GNG12: variants seen among roughly 807,000 people sequenced by gnomAD.
GNG12 encodes the protein guanine nucleotide-binding protein G(I)/G(S)/G(O) subunit gamma-12.
For synonymous variants in GNG12, 28 were observed against 29.7 expected (o/e 0.94, Z 0.19); for missense variants, 69 against 83.8 (o/e 0.82, Z 0.69).
intron 1 of GNG12, among the ~76,000 whole-genome samples, chr1:67,801,348 G>A (rs1646864491): frequency 6.6e-6 from 1 of 152,200 alleles, no homozygotes; most frequent in African/African-American, 2.4e-5. Context: ...ATATATGAAT[G>A]AGGCTCAGAG....
intron 1 of GNG12, among the ~76,000 whole-genome samples, chr1:67,780,653 A>G (rs1485749912): frequency 6.6e-6 from 1 of 152,188 alleles, no homozygotes. Context: ...AGAATCTTCA[A>G]ATACACACTT....
chr1:67,742,228 A>G (rs941258036), intron 2 of GNG12, among the ~76,000 whole-genome samples: 2 of 152,188 alleles, frequency 1.3e-5, no homozygotes, highest in Non-Finnish European at 2.9e-5. Flanking sequence ...ATCCACCACA[A>G]TGTGCATTAA....
chr1:67,737,860 C>T (rs1646461257), intron 2 of GNG12, among the ~76,000 whole-genome samples: 1 of 152,206 alleles, frequency 6.6e-6, no homozygotes, highest in Non-Finnish European at 1.5e-5. Flanking sequence ...AAACTGTCCA[C>T]TCCCCTTACC....
chr1:67,804,008 C>T (rs1008077342), intron 1 of GNG12, among the ~76,000 whole-genome samples: 3 of 152,092 alleles, frequency 2.0e-5, no homozygotes, highest in African/African-American at 7.2e-5. Context: ...CCAGGCAGAA[C>T]GGCTGGCTTT....
chr1:67,817,066 A>C (rs1482597992), intron 1 of GNG12, among the ~76,000 whole-genome samples: 3 of 152,262 alleles, frequency 2.0e-5, no homozygotes, highest in African/African-American at 7.2e-5. Context: ...CTGACAATAT[A>C]AAGATGAAAA....
chr1:67,705,345 T>TTA lies in GNG12; in HGVS notation c.*104_*105dup. On this transcript the variant is annotated 3_prime_UTR_variant, in exon 4 of 4. Transcript: ENST00000370982. The stretch of plus-strand genomic sequence containing the variant: ...TCCATTATTCCAAGCTGAGAACATT[T>TTA]TAGTTATTAGCAGTGGTTACCAAAT... 6.0e-6 allele frequency: 9 copies of TTA among 1,492,198 alleles called. No homozygotes were observed. The highest frequency in any genetic ancestry group is 8.0e-6 in the Non-Finnish European group (9 of 1,121,566). 92.4% of individuals were successfully genotyped at this position (1,492,198 alleles called of 1,614,324 possible).
At chr1:67,764,864 A>G (rs1646626632) in intron 2 of GNG12, among the ~76,000 whole-genome samples, 1 of 152,232 alleles carries the variant, frequency 6.6e-6, no homozygotes, top group South Asian at 2.1e-4. Flanking sequence ...GGACTTTGTC[A>G]GAGTGAGTCA....
intron 1 of GNG12, among the ~76,000 whole-genome samples, chr1:67,784,379 G>A (rs1181425419): frequency 4.0e-5 from 6 of 150,702 alleles, no homozygotes; most frequent in African/African-American, 1.5e-4. Flanking sequence ...TGACGAGTTA[G>A]TGGGTGCAGC....
At chr1:67,766,148 A>ACACACACACACACACACACACACACC (rs756645057) in intron 2 of GNG12, among the ~76,000 whole-genome samples, 2 of 133,706 alleles carry the variant, frequency 1.5e-5, no homozygotes, top group African/African-American at 6.2e-5. Context: ...ACACACACAC[A>ACACACACACACACACACACACACACC]CCCCTAAACA....
intron 2 of GNG12, among the ~76,000 whole-genome samples, chr1:67,763,642 C>A (rs1267041486): frequency 6.6e-6 from 1 of 152,020 alleles, no homozygotes; most frequent in African/African-American, 2.4e-5. Flanking sequence ...AAACAACCCT[C>A]CTGCCTCAGC....
At chr1:67,772,870 T>C (rs552299023) in intron 2 of GNG12, among the ~76,000 whole-genome samples, 3 of 152,320 alleles carry the variant, frequency 2.0e-5, no homozygotes, top group South Asian at 2.1e-4. Flanking sequence ...GAGGCACCCA[T>C]AGCTGTGAGA....
intron 2 of GNG12, among the ~76,000 whole-genome samples, chr1:67,731,081 C>T (rs1646416221): frequency 6.6e-6 from 1 of 152,174 alleles, no homozygotes; most frequent in South Asian, 2.1e-4. Flanking sequence ...TGGAATTTAA[C>T]TCTGTGACTT....
chr1:67,822,827 A>G (rs923818055), intron 1 of GNG12, among the ~76,000 whole-genome samples: 16 of 152,186 alleles, frequency 1.1e-4, no homozygotes, highest in African/African-American at 3.9e-4. Context: ...AGCCACTGCC[A>G]TCTTCCCATC....
chr1:67,794,485 A>T (rs965023229), intron 1 of GNG12, among the ~76,000 whole-genome samples: 4 of 152,212 alleles, frequency 2.6e-5, no homozygotes, highest in African/African-American at 9.6e-5. Context: ...ACGAGAAAGC[A>T]TGTCTCAATT....
At chr1:67,758,727 T>C (rs1385174665) in intron 2 of GNG12, among the ~76,000 whole-genome samples, 3 of 152,202 alleles carry the variant, frequency 2.0e-5, no homozygotes, top group African/African-American at 4.8e-5. Context: ...TCAGCTAAGA[T>C]GCTCCCTGTG....
chr1:67,732,682 T>TCC (rs1452937391), intron 2 of GNG12, among the ~76,000 whole-genome samples: 1 of 152,168 alleles, frequency 6.6e-6, no homozygotes, highest in East Asian at 1.9e-4. Flanking sequence ...CCTCATCACT[T>TCC]TGTCTGGCTA....
intron 2 of GNG12, among the ~76,000 whole-genome samples, chr1:67,758,429 G>A (rs1646582822): frequency 6.6e-6 from 1 of 152,170 alleles, no homozygotes; most frequent in Non-Finnish European, 1.5e-5. Flanking sequence ...AAATACTATT[G>A]GCTGGTAGCA....
chr1:67,827,502 T>A (rs1647017948), intron 1 of GNG12, among the ~76,000 whole-genome samples: 1 of 152,006 alleles, frequency 6.6e-6, no homozygotes, highest in Non-Finnish European at 1.5e-5. Context: ...CTCGGCTCAC[T>A]GCAAGCTCTG....
intron 1 of GNG12, among the ~76,000 whole-genome samples, chr1:67,809,904 C>T (rs1489120302): frequency 1.3e-5 from 2 of 152,142 alleles, no homozygotes; most frequent in Non-Finnish European, 2.9e-5. Flanking sequence ...CCATATAATC[C>T]AGTAATCGTA....
Sources: allele counts gnomAD v4.1 joint callset (sites outside exome capture counted in the v4.1 genomes callset), GRCh38; gene constraint gnomAD v4.1.1; transcripts MANE v1.5; gene names NCBI Gene and HGNC (gene_info 2026-07-23, HGNC 2026-07-21).